RANBP2: variants seen among roughly 807,000 people sequenced by gnomAD.
The protein encoded by RANBP2 is E3 SUMO-protein ligase RanBP2.
A neutral mutation model predicts 303.6 loss-of-function variants in RANBP2; 57 were observed. The observed-to-expected ratio is 0.19, with a 90% CI of 0.15 to 0.23. The LOEUF (loss-of-function observed/expected upper bound fraction) is 0.23. RANBP2 is among the 10% of genes least tolerant of loss of function. The pLI, the probability that RANBP2 is intolerant of heterozygous loss-of-function variation, is 1.00. For missense variants in RANBP2, 3,138 were observed against 3,780.8 expected (o/e 0.83, Z 4.46); for synonymous variants, 1,167 against 1,301.5 (o/e 0.90, Z 2.23).
At chr2:108,812,673 G>A in the RANBP2 span, 2 of 1,612,942 alleles carry the variant, frequency 1.2e-6, no homozygotes, top group South Asian at 2.2e-5. Context: ...AGACATTCAG[G>A]CTAAAAGAGT....
chr2:109,076,851 T>C, the RANBP2 span, among the ~76,000 whole-genome samples: 947 of 150,586 alleles, frequency 6.3e-3, 60 homozygotes, highest in South Asian at 0.012. Flanking sequence ...GCAATCCCTA[T>C]CAAAATTCTA....
chr2:108,929,849 C>T, the RANBP2 span, among the ~76,000 whole-genome samples: 2 of 152,186 alleles, frequency 1.3e-5, no homozygotes, highest in African/African-American at 2.4e-5. Flanking sequence ...GATGATCTGA[C>T]GCTCATTTAA....
At chr2:109,609,615 CAAAAAAAA>C in the RANBP2 span, among the ~76,000 whole-genome samples, 1 of 97,970 alleles carries the variant, frequency 1.0e-5, no homozygotes. Flanking sequence ...GACTCCGCCT[CAAAAAAAA>C]AAAAAAAAAA....
the RANBP2 span, among the ~76,000 whole-genome samples, chr2:109,014,957 T>C: frequency 4.8e-4 from 72 of 151,544 alleles, no homozygotes; most frequent in Admixed American, 1.4e-3. Context: ...CTATCTCTAC[T>C]AAAAATACAA....
chr2:109,228,157 G>T, the RANBP2 span, among the ~76,000 whole-genome samples: 4 of 152,160 alleles, frequency 2.6e-5, no homozygotes, highest in Admixed American at 2.6e-4. Context: ...TACTTGCAAC[G>T]TTTGGCAAAC....
chr2:109,646,175 T>C, the RANBP2 span, among the ~76,000 whole-genome samples: 9 of 152,280 alleles, frequency 5.9e-5, no homozygotes, highest in African/African-American at 1.7e-4. Context: ...CCCAGGTGAC[T>C]GTCCCTTATC....
the RANBP2 span, among the ~76,000 whole-genome samples, chr2:109,435,137 T>C: frequency 1.3e-5 from 2 of 152,198 alleles, no homozygotes; most frequent in Non-Finnish European, 2.9e-5. Context: ...CAGGAGGTCA[T>C]TGAGTGTCCT....
chr2:108,822,913 A>G, the RANBP2 span, among the ~76,000 whole-genome samples: 2 of 152,206 alleles, frequency 1.3e-5, no homozygotes, highest in Non-Finnish European at 2.9e-5. Context: ...CGCTAGCTAG[A>G]TGAAGGGAGA....
chr2:109,329,195 A>C, the RANBP2 span, among the ~76,000 whole-genome samples: 1 of 152,186 alleles, frequency 6.6e-6, no homozygotes, highest in Admixed American at 6.5e-5. Context: ...CTCTGTGCTC[A>C]GCCTTCTCCT....
At chr2:109,681,891 C>T in the RANBP2 span, among the ~76,000 whole-genome samples, 922 of 152,392 alleles carry the variant, frequency 6.1e-3, 9 homozygotes, top group African/African-American at 0.021. Flanking sequence ...CTACTGTGTT[C>T]TCTGGAGTAG....
chr2:109,323,673 G>A, the RANBP2 span, among the ~76,000 whole-genome samples: 1 of 152,214 alleles, frequency 6.6e-6, no homozygotes, highest in Non-Finnish European at 1.5e-5. Context: ...AGCTCCCTGA[G>A]CCTGTGCCTC....
the RANBP2 span, among the ~76,000 whole-genome samples, chr2:109,470,950 T>A: frequency 6.6e-6 from 1 of 152,172 alleles, no homozygotes; most frequent in Non-Finnish European, 1.5e-5. Context: ...CTGGGTGCGG[T>A]GGCTCACGCC....
At chr2:109,531,460 CT>C in the RANBP2 span, among the ~76,000 whole-genome samples, 1 of 152,206 alleles carries the variant, frequency 6.6e-6, no homozygotes, top group Non-Finnish European at 1.5e-5. Flanking sequence ...TTCTGAGTTG[CT>C]GAAATCATGG....
the RANBP2 span, among the ~76,000 whole-genome samples, chr2:109,337,900 G>T: frequency 6.6e-6 from 1 of 151,662 alleles, no homozygotes; most frequent in South Asian, 2.1e-4. Context: ...GCTAATTTTT[G>T]TATTTTTTTT....
At chr2:108,990,650 C>T in the RANBP2 span, among the ~76,000 whole-genome samples, 6 of 152,050 alleles carry the variant, frequency 3.9e-5, no homozygotes, top group East Asian at 1.2e-3. Flanking sequence ...GGGGCTGGGG[C>T]AAGGACCTAG....
the RANBP2 span, among the ~76,000 whole-genome samples, chr2:108,892,851 C>G: frequency 6.6e-6 from 1 of 152,328 alleles, no homozygotes; most frequent in Non-Finnish European, 1.5e-5. Flanking sequence ...TGCCACTTCT[C>G]TGTTGAATTC....
the RANBP2 span, among the ~76,000 whole-genome samples, chr2:109,298,633 C>T: frequency 6.6e-6 from 1 of 152,126 alleles, no homozygotes; most frequent in Non-Finnish European, 1.5e-5. Flanking sequence ...GTCAAATGCT[C>T]CTCGGAGCAC....
At chr2:109,129,647 C>G in the RANBP2 span, 1 of 1,499,058 alleles carries the variant, frequency 6.7e-7, no homozygotes, top group South Asian at 1.3e-5. Flanking sequence ...CGTCGGGCGG[C>G]GGCCACCGCC....
the RANBP2 span, among the ~76,000 whole-genome samples, chr2:108,857,699 A>G: frequency 3.1e-3 from 468 of 152,340 alleles, 2 homozygotes; most frequent in African/African-American, 0.011. Flanking sequence ...GGAGTTGTGT[A>G]TTTCAGTTTA....
Sources: allele counts gnomAD v4.1 joint callset (sites outside exome capture counted in the v4.1 genomes callset), GRCh38; gene constraint gnomAD v4.1.1; transcripts MANE v1.5; gene names NCBI Gene and HGNC (gene_info 2026-07-23, HGNC 2026-07-21).